HTRA4: variants seen among roughly 807,000 people sequenced by gnomAD.
HTRA4 encodes HtrA serine peptidase 4.
HTRA4 carries 46 observed loss-of-function variants against 49.1 expected under a neutral mutation model. That is an observed-to-expected ratio of 0.94 (90% CI 0.74 to 1.20). The LOEUF (loss-of-function observed/expected upper bound fraction) is 1.20. Among genes scored for constraint, HTRA4 ranks in the 50% most tolerant of loss-of-function variants. The pLI is 0.00. For missense variants in HTRA4, 602 were observed against 636.9 expected (o/e 0.95, Z 0.59); for synonymous variants, 261 against 264.0 (o/e 0.99, Z 0.11).
rs1379884593 is a variant in HTRA4, at chr8:38,987,806, C to T, written c.1269-130C>T. ...GCTTTATGATTTGGAAGGATTGAGG[C>T]TATTTTCTCGTTTGTATGCTTAATG... On this transcript the variant is annotated intron_variant, in intron 8 of 8. Coordinates refer to ENST00000302495, the MANE Select transcript of HTRA4 (RefSeq NM_153692.4). 5 of 692,510 alleles carry T rather than the reference C, an allele frequency of 7.2e-6. No individual in the cohort carries two copies. In the East Asian group the frequency reaches 9.6e-5, roughly 13 times the overall value. The allele number at this position is 692,510 out of a possible 1,614,324, so 42.9% of individuals were successfully genotyped here.
At chr8:38,977,547 A>G (rs1386587843) in intron 3 of HTRA4, among the ~76,000 whole-genome samples, 2 of 152,292 alleles carry the variant, frequency 1.3e-5, no homozygotes, top group African/African-American at 4.8e-5. Flanking sequence ...TGCACATTAC[A>G]GTGTGAGAAG....
intron 7 of HTRA4, 144 bp downstream of exon 7, chr8:38,982,699 T>G: frequency 2.8e-6 from 2 of 722,866 alleles, no homozygotes; most frequent in Middle Eastern, 3.0e-4. Context: ...GGTATGTATC[T>G]GCCTCTGCCT....
Position 38,981,644 on chromosome 8 carries a change from C to G in HTRA4, c.1000-9C>G. ...CTTCATGACTGAATGATGTCCCCTC[C>G]CTTGCCAGGATGGTGATGTGATTGG... On this transcript the variant is annotated splice_polypyrimidine_tract_variant and intron_variant, in intron 5 of 8. Transcript: ENST00000302495. 6.2e-7 allele frequency: 1 copy of G among 1,604,934 alleles called. No individual in the cohort carries two copies. Among genetic ancestry groups the G allele is most frequent in the East Asian group, 2.2e-5 (1 of 44,714 alleles).
rs563731061 is a variant in HTRA4 at position 38,987,511 on chromosome 8, G to C, written c.1269-425G>C. 1.5e-4 allele frequency among the ~76,000 whole-genome samples: 23 copies of C among 152,224 alleles called. No homozygotes were observed. The South Asian group carries it at 4.8e-3, about 32-fold the overall frequency. ...GTGGGAAAGACAGGCAAGTGAGTGG[G>C]CTGCCAGAATCAAACTGAGCCGAGT... On this transcript the variant is annotated intron_variant, in intron 8 of 8. Transcript: ENST00000302495.
Position 38,988,398 on chromosome 8 carries a change from TGTTCTCACTTATAAGTGGGA to T in HTRA4, c.*302_*321del. ...CAGGAACAGAAAACCAAATACTGCA[TGTTCTCACTTATAAGTGGGA>T]GCTGAACAATGAGAACACATGAACA... On this transcript the variant is annotated 3_prime_UTR_variant, in exon 9 of 9. Coordinates refer to ENST00000302495, the MANE Select transcript of HTRA4 (RefSeq NM_153692.4). 1 of 197,022 alleles carries T rather than the reference TGTTCTCACTTATAAGTGGGA, an allele frequency of 5.1e-6. No individual in the cohort carries two copies. The highest frequency in any genetic ancestry group is 6.0e-5 in the Admixed American group (1 of 16,750). 12.2% of individuals were successfully genotyped at this position (197,022 alleles called of 1,614,324 possible). A position where few individuals can be genotyped will look rare whatever the true frequency, so the allele number is the denominator to read the frequency against.
At chr8:38,982,631 C>A in intron 7 of HTRA4, 76 bp downstream of exon 7, 2 of 1,417,608 alleles carry the variant, frequency 1.4e-6, no homozygotes, top group Non-Finnish European at 2.0e-6. Context: ...AACAGAAAAG[C>A]TGAGCCACTT....
chr8:38,983,905 A>G (rs2129427767), intron 8 of HTRA4, among the ~76,000 whole-genome samples: 1 of 152,246 alleles, frequency 6.6e-6, no homozygotes, highest in East Asian at 1.9e-4. Flanking sequence ...TTGGCTAGGA[A>G]TTCCCAAATC....
At chr8:38,986,575 A>G (rs1835484871) in intron 8 of HTRA4, among the ~76,000 whole-genome samples, 1 of 152,192 alleles carries the variant, frequency 6.6e-6, no homozygotes, top group Admixed American at 6.5e-5. Context: ...GCCTATTTGA[A>G]GTGTTTTATA....
chr8:38,974,602 G>GC lies in HTRA4; in HGVS notation c.339_340insC (p.Ala114ArgfsTer96). On this transcript the variant is annotated frameshift_variant, in exon 1 of 9. Transcript: ENST00000302495. LOFTEE classifies it high-confidence loss of function. ...CCTGCGGTTGCCCGACGCTGGGAGG[G>GC]GCCGTGTGCGGCAGCGACAGGCGCA... is the stretch of plus-strand genomic sequence containing the variant. 13 of 1,425,924 alleles carry GC rather than the reference G, an allele frequency of 9.1e-6. No individual in the cohort carries two copies. The highest frequency in any genetic ancestry group is 1.0e-5 in the Non-Finnish European group (11 of 1,096,570). The allele number at this position is 1,425,924 out of a possible 1,614,324, so 88.3% of individuals were successfully genotyped here. A position where few individuals can be genotyped will look rare whatever the true frequency, so the allele number is the denominator to read the frequency against.
chr8:38,982,326 G>A (rs543438706), intron 6 of HTRA4, among the ~76,000 whole-genome samples, 172 bp from the exon 7 acceptor site: 11 of 152,286 alleles, frequency 7.2e-5, no homozygotes, highest in Admixed American at 3.3e-4. Flanking sequence ...GGTGGGAGGT[G>A]GGTGGGAGGA....
chr8:38,987,474 G>A (rs557407675), intron 8 of HTRA4, among the ~76,000 whole-genome samples: 1 of 151,964 alleles, frequency 6.6e-6, no homozygotes, highest in African/African-American at 2.4e-5. Context: ...TGGGGCGGGG[G>A]GGTGGGGTGG....
At chr8:38,978,189 G>A (rs886991620) in intron 4 of HTRA4, 42 bp downstream of exon 4, 29 of 1,549,742 alleles carry the variant, frequency 1.9e-5, no homozygotes, top group Non-Finnish European at 1.9e-5. Flanking sequence ...ATGGGCTGTG[G>A]ACCAGTACAG....
chr8:38,987,922 TC>T lies in HTRA4; in HGVS notation c.1269-13del. On this transcript the variant is annotated splice_polypyrimidine_tract_variant and intron_variant, in intron 8 of 8. Coordinates refer to ENST00000302495, the MANE Select transcript of HTRA4 (RefSeq NM_153692.4). ...TATAGTTTCATGATCCTCTTTTTTTTCTCCCTCTCTCAGCTCTGGATTGAGA... is the reference window on the plus strand; with the variant it reads ...TATAGTTTCATGATCCTCTTTTTTTTTCCCTCTCTCAGCTCTGGATTGAGA... 6.5e-7 allele frequency: 1 copy of T among 1,534,332 alleles called. No individual in the cohort carries two copies. The highest frequency in any genetic ancestry group is 8.7e-7 in the Non-Finnish European group (1 of 1,147,906).
chr8:38,979,346 G>A, intron 5 of HTRA4, 99 bp downstream of exon 5: 4 of 1,089,014 alleles, frequency 3.7e-6, no homozygotes, highest in Middle Eastern at 2.0e-4. Flanking sequence ...TGTAATCCCA[G>A]CACATTTGGG....
Position 38,982,482 on chromosome 8 carries a change from T to TA in HTRA4, c.1115-14dup, listed in dbSNP as rs965346875. ...AAAGAGGTTTTGTTGTAACACATCA[T>TA]AACTTTCCTTTCCAGGAAAGGCGTT... On this transcript the variant is annotated splice_polypyrimidine_tract_variant and intron_variant, in intron 6 of 8. Transcript: ENST00000302495. 7 of 1,611,256 alleles carry TA rather than the reference T, an allele frequency of 4.3e-6. No homozygotes were observed. In the African/African-American group the frequency reaches 5.3e-5, roughly 12 times the overall value.
At chr8:38,978,205 T>A in intron 4 of HTRA4, 58 bp downstream of exon 4, 1 of 1,438,328 alleles carries the variant, frequency 7.0e-7, no homozygotes, top group Non-Finnish European at 9.4e-7. Flanking sequence ...TACAGGTCCA[T>A]GGCCTGTTAG....
intron 5 of HTRA4, among the ~76,000 whole-genome samples, chr8:38,981,215 G>T (rs1835419135): frequency 6.6e-6 from 1 of 150,686 alleles, no homozygotes; most frequent in Non-Finnish European, 1.5e-5. Flanking sequence ...GAGTAGCTGG[G>T]ACTACAGGCA....
chr8:38,977,138 G>T (rs753529546), intron 3 of HTRA4, among the ~76,000 whole-genome samples: 31 of 151,712 alleles, frequency 2.0e-4, no homozygotes, highest in Non-Finnish European at 3.5e-4. Flanking sequence ...GTTTTACCAT[G>T]TTGGCCAGGC....
chr8:38,985,306 G>A (rs980868484), intron 8 of HTRA4, among the ~76,000 whole-genome samples: 6 of 152,022 alleles, frequency 3.9e-5, no homozygotes, highest in South Asian at 2.1e-4. Context: ...CACTACAGGC[G>A]TGTGCCACCA....
Sources: gnomAD v4.1 joint callset for allele counts (sites outside exome capture counted in the v4.1 genomes callset) on GRCh38, gnomAD v4.1.1 for gene constraint, MANE v1.5 for transcripts, NCBI Gene and HGNC (gene_info 2026-07-23, HGNC 2026-07-21) for gene names.